Variants in NT5DC1 observed in about 807,000 individuals in gnomAD.
NT5DC1 encodes 5'-nucleotidase domain-containing protein 1.
A neutral mutation model predicts 59.4 loss-of-function variants in NT5DC1; 42 were observed. That is an observed-to-expected ratio of 0.71 (90% CI 0.55 to 0.92). NT5DC1 has a LOEUF of 0.92. Ranked by LOEUF, NT5DC1 falls within the 40% of genes least tolerant of loss-of-function variation. The pLI is 0.00. For synonymous variants in NT5DC1, 172 were observed against 188.1 expected (o/e 0.91, Z 0.70); for missense variants, 501 against 537.1 (o/e 0.93, Z 0.66).
At chr6:116,182,253 G>GTA (rs1554198458) in intron 6 of NT5DC1, among the ~76,000 whole-genome samples, 2 of 149,250 alleles carry the variant, frequency 1.3e-5, no homozygotes, top group East Asian at 4.0e-4. Flanking sequence ...GTGTGTGTGT[G>GTA]TATCACATTT....
intron 3 of NT5DC1, among the ~76,000 whole-genome samples, chr6:116,109,241 A>T (rs994877576): frequency 6.6e-6 from 1 of 152,206 alleles, no homozygotes; most frequent in African/African-American, 2.4e-5. Context: ...CTTTTGTTGC[A>T]TCATTCTTTT....
chr6:116,220,964 A>G (rs1164988341), intron 6 of NT5DC1, 90 bp from the exon 7 acceptor site: 26 of 661,500 alleles, frequency 3.9e-5, no homozygotes, highest in Admixed American at 8.1e-5. Flanking sequence ...AGTTTTATCT[A>G]TAGATTTGAA....
chr6:116,160,796 T>G (rs981202500), intron 6 of NT5DC1, among the ~76,000 whole-genome samples: 6 of 152,194 alleles, frequency 3.9e-5, no homozygotes, highest in African/African-American at 1.4e-4. Flanking sequence ...AGTTAATTTT[T>G]GTATATGGTA....
intron 1 of NT5DC1, among the ~76,000 whole-genome samples, chr6:116,105,724 AT>A (rs34804597): frequency 1.2e-3 from 177 of 146,206 alleles, no homozygotes; most frequent in South Asian, 2.4e-3. Flanking sequence ...TTGTCTTTAG[AT>A]TTTTTTTTTT....
At chr6:116,224,902 C>T (rs185959351) in intron 8 of NT5DC1, among the ~76,000 whole-genome samples, 4 of 152,216 alleles carry the variant, frequency 2.6e-5, no homozygotes, top group East Asian at 1.9e-4. Context: ...GCAACTGCAG[C>T]GTCCCTAGTA....
At position 116,153,884 on chromosome 6, in the gene NT5DC1, G is replaced by A. The variant is rs537058883; in HGVS notation, c.529+35939G>A. On this transcript the variant is annotated intron_variant, in intron 6 of 11. Coordinates refer to ENST00000319550, the MANE Select transcript of NT5DC1 (RefSeq NM_152729.3). ...ACAGAAATGCAATTTGGCAAAATAA[G>A]CATCAAAAGGAAAAGTAAATCTTAC... Among the ~76,000 whole-genome samples the A allele has an allele frequency of 5.3e-5, 8 of 152,162 alleles. No homozygotes were observed. In the East Asian group the frequency reaches 1.4e-3, roughly 26 times the overall value.
At chr6:116,183,030 C>T (rs761695891) in intron 6 of NT5DC1, among the ~76,000 whole-genome samples, 1 of 152,066 alleles carries the variant, frequency 6.6e-6, no homozygotes, top group South Asian at 2.1e-4. Context: ...AGTTTTTCAT[C>T]CATCTTAAGT....
chr6:116,132,475 T>C (rs1021331974), intron 6 of NT5DC1, among the ~76,000 whole-genome samples: 2 of 151,414 alleles, frequency 1.3e-5, no homozygotes, highest in South Asian at 2.1e-4. Flanking sequence ...GCTTATGAGT[T>C]TTTTTTTTCA....
At chr6:116,238,593 C>G (rs1249485156) in intron 10 of NT5DC1, among the ~76,000 whole-genome samples, 1 of 151,362 alleles carries the variant, frequency 6.6e-6, no homozygotes, top group African/African-American at 2.4e-5. Context: ...AAAATAAATA[C>G]TAAATATGAA....
At chr6:116,119,952 C>G (rs112490337) in intron 6 of NT5DC1, 1 of 968,580 alleles carries the variant, frequency 1.0e-6, no homozygotes, top group African/African-American at 1.6e-5. Context: ...TAGCTCAAAT[C>G]TGTATTTCAG....
At chr6:116,159,737 A>G (rs1192994642) in intron 6 of NT5DC1, among the ~76,000 whole-genome samples, 1 of 152,180 alleles carries the variant, frequency 6.6e-6, no homozygotes, top group Non-Finnish European at 1.5e-5. Flanking sequence ...CAAATAGTGA[A>G]CACTGTACCA....
intron 6 of NT5DC1, among the ~76,000 whole-genome samples, chr6:116,155,605 G>A (rs189054445): frequency 4.6e-5 from 7 of 152,112 alleles, no homozygotes; most frequent in Admixed American, 3.3e-4. Context: ...TATTCTGCAG[G>A]TCAATGAAAT....
chr6:116,136,311 T>C (rs770438646), intron 6 of NT5DC1, among the ~76,000 whole-genome samples: 39 of 152,314 alleles, frequency 2.6e-4, no homozygotes, highest in Non-Finnish European at 4.4e-4. Context: ...TTGGTGTGTA[T>C]GTATGTAATA....
chr6:116,218,409 CCCATAAAATTCTTCTTGCTACAAA>C (rs1338924947), intron 6 of NT5DC1, among the ~76,000 whole-genome samples: 2 of 152,030 alleles, frequency 1.3e-5, no homozygotes, highest in Non-Finnish European at 2.9e-5. Context: ...TCTTACGTAG[CCCATAAAATTCTTCTTGCTACAAA>C]AGCTTTGTTT....
chr6:116,175,122 G>A (rs1050239576), intron 6 of NT5DC1, among the ~76,000 whole-genome samples: 2 of 152,006 alleles, frequency 1.3e-5, no homozygotes, highest in African/African-American at 4.8e-5. Context: ...AATAAAATAT[G>A]TATATTTTGT....
intron 6 of NT5DC1, among the ~76,000 whole-genome samples, chr6:116,208,802 G>A (rs1781512956): frequency 6.6e-6 from 1 of 151,926 alleles, no homozygotes; most frequent in African/African-American, 2.4e-5. Flanking sequence ...AATCATAAAA[G>A]CAATAGCAAA....
intron 6 of NT5DC1, among the ~76,000 whole-genome samples, chr6:116,178,127 G>GTT (rs1780793466): frequency 6.6e-6 from 1 of 151,516 alleles, no homozygotes; most frequent in Non-Finnish European, 1.5e-5. Flanking sequence ...GTGTGTGTGT[G>GTT]TGTGTGTTTA....
chr6:116,143,932 A>G (rs1779827685), intron 6 of NT5DC1, among the ~76,000 whole-genome samples: 1 of 152,216 alleles, frequency 6.6e-6, no homozygotes. Flanking sequence ...GTAATGCTTT[A>G]TAATAAAGAA....
chr6:116,221,040 T>A lies in NT5DC1; in HGVS notation c.530-14T>A, dbSNP rs758421059. Reference sequence around the variant, plus strand: ...TTTAAAAAGAAAAACCTCATTGATATTTTTATTTTTCAGAAAACTGTGGAA... The same window carrying A: ...TTTAAAAAGAAAAACCTCATTGATAATTTTATTTTTCAGAAAACTGTGGAA... On this transcript the variant is annotated splice_polypyrimidine_tract_variant and intron_variant, in intron 6 of 11. Transcript: ENST00000319550. 1 of 1,276,010 alleles carries A rather than the reference T, an allele frequency of 7.8e-7. No homozygotes were observed. The highest frequency in any genetic ancestry group is 1.1e-6 in the Non-Finnish European group (1 of 897,220). The allele number at this position is 1,276,010 out of a possible 1,614,324, so 79.0% of individuals were successfully genotyped here.
Sources: gnomAD v4.1 joint callset for allele counts (sites outside exome capture counted in the v4.1 genomes callset) on GRCh38, gnomAD v4.1.1 for gene constraint, MANE v1.5 for transcripts, NCBI Gene and HGNC (gene_info 2026-07-23, HGNC 2026-07-21) for gene names.